SLC4A10: variants seen among roughly 807,000 people sequenced by gnomAD.
SLC4A10 encodes solute carrier family 4 member 10.
In SLC4A10, 42 loss-of-function variants were observed where a neutral mutation model predicts 137.7. The ratio of observed to expected loss-of-function variants is 0.30; its 90% confidence interval spans 0.24 to 0.39. The LOEUF (loss-of-function observed/expected upper bound fraction) is 0.39, where lower values mean the gene tolerates loss of function less well. Among genes scored for constraint, SLC4A10 ranks in the 10% least tolerant of loss-of-function variants. The probability of loss-of-function intolerance (pLI) is 1.00; values close to 1 mark genes in which losing one functional copy is unlikely to be tolerated. For missense variants in SLC4A10, 925 were observed against 1,355.0 expected, an observed-to-expected ratio of 0.68 and a Z score of 4.98; for synonymous variants, 474 against 464.1, an observed-to-expected ratio of 1.02 and a Z score of -0.27.
intron 1 of SLC4A10, among the ~76,000 whole-genome samples, chr2:161,719,574 A>C (rs1474826249): frequency 6.6e-6 from 1 of 152,088 alleles, no homozygotes; most frequent in East Asian, 1.9e-4. Flanking sequence ...TTGTTTCCTG[A>C]CTTTTTAATG....
intron 1 of SLC4A10, among the ~76,000 whole-genome samples, chr2:161,718,654 G>A (rs957821058): frequency 2.0e-5 from 3 of 152,134 alleles, no homozygotes; most frequent in African/African-American, 7.2e-5. Flanking sequence ...TTGTGCCATG[G>A]TCTGAGAGAC....
chr2:161,739,437 T>C (rs1262386901), intron 1 of SLC4A10, among the ~76,000 whole-genome samples: 2 of 152,202 alleles, frequency 1.3e-5, no homozygotes, highest in Non-Finnish European at 2.9e-5. Flanking sequence ...TTGCCTACTA[T>C]GGGACATTAT....
At chr2:161,812,757 C>A (rs980545903) in intron 3 of SLC4A10, among the ~76,000 whole-genome samples, 2 of 151,938 alleles carry the variant, frequency 1.3e-5, no homozygotes, top group African/African-American at 4.8e-5. Context: ...TTTTCTTTAT[C>A]CACCTCACCC....
chr2:161,826,691 C>T (rs1051414906), intron 3 of SLC4A10, among the ~76,000 whole-genome samples: 2 of 152,128 alleles, frequency 1.3e-5, no homozygotes, highest in African/African-American at 4.8e-5. Context: ...TATGATTCTA[C>T]AAGGGCTTTC....
chr2:161,872,217 G>A, intron 6 of SLC4A10, 76 bp from the exon 7 acceptor site: 1 of 1,009,494 alleles, frequency 9.9e-7, no homozygotes, highest in East Asian at 2.4e-5. Flanking sequence ...TAGTTTAATT[G>A]AAGTGCCTAT....
intron 1 of SLC4A10, among the ~76,000 whole-genome samples, chr2:161,755,887 A>C (rs914090554): frequency 4.0e-5 from 6 of 150,978 alleles, no homozygotes; most frequent in Non-Finnish European, 7.4e-5. Context: ...CTCCTGCCTC[A>C]GCCTCTCAAG....
chr2:161,708,790 G>T, intron 1 of SLC4A10: 2 of 1,532,816 alleles, frequency 1.3e-6, no homozygotes, highest in Non-Finnish European at 1.7e-6. Flanking sequence ...AGGTCATGCA[G>T]TCTGGAACCT....
chr2:161,654,749 T>C (rs2037279201), intron 1 of SLC4A10, among the ~76,000 whole-genome samples: 1 of 152,160 alleles, frequency 6.6e-6, no homozygotes, highest in Non-Finnish European at 1.5e-5. Flanking sequence ...TTATCTTTAT[T>C]CCATTACCAT....
intron 1 of SLC4A10, among the ~76,000 whole-genome samples, chr2:161,653,818 C>T (rs1222842807): frequency 6.6e-6 from 1 of 152,188 alleles, no homozygotes; most frequent in African/African-American, 2.4e-5. Flanking sequence ...GATTCCGCAT[C>T]ATGGATACTG....
intron 15 of SLC4A10, among the ~76,000 whole-genome samples, chr2:161,933,487 G>A (rs1417057612): frequency 6.6e-6 from 1 of 151,670 alleles, no homozygotes; most frequent in Non-Finnish European, 1.5e-5. Flanking sequence ...GGAACTCCTG[G>A]GCTCAAGCAA....
chr2:161,793,931 TGAATTAGAA>T (rs1190903870), intron 2 of SLC4A10, among the ~76,000 whole-genome samples: 2 of 152,180 alleles, frequency 1.3e-5, no homozygotes, highest in Non-Finnish European at 2.9e-5. Flanking sequence ...TTGCCATGAT[TGAATTAGAA>T]GATAATATAG....
At chr2:161,977,682 CT>C in intron 25 of SLC4A10, 39 bp from the exon 26 acceptor site, 1 of 1,556,974 alleles carries the variant, frequency 6.4e-7, no homozygotes, top group Non-Finnish European at 8.7e-7. Flanking sequence ...CTTAAATTAA[CT>C]TTTTCTACTT....
intron 2 of SLC4A10, among the ~76,000 whole-genome samples, chr2:161,774,058 C>G (rs889707146): frequency 6.6e-6 from 1 of 151,654 alleles, no homozygotes; most frequent in Non-Finnish European, 1.5e-5. Context: ...CTTAATACTG[C>G]CAGAGTGTTC....
At chr2:161,727,110 G>C (rs933255962) in intron 1 of SLC4A10, among the ~76,000 whole-genome samples, 3 of 152,198 alleles carry the variant, frequency 2.0e-5, no homozygotes, top group Non-Finnish European at 4.4e-5. Context: ...CCCAGGTACA[G>C]TTAAAGGTGG....
chr2:161,781,518 G>T (rs1266045919), intron 2 of SLC4A10, among the ~76,000 whole-genome samples: 1 of 151,978 alleles, frequency 6.6e-6, no homozygotes, highest in African/African-American at 2.4e-5. Context: ...TGAGGAAAAA[G>T]AACTTGTTTG....
At chr2:161,880,195 C>T (rs2061682947) in intron 9 of SLC4A10, among the ~76,000 whole-genome samples, 1 of 152,208 alleles carries the variant, frequency 6.6e-6, no homozygotes, top group African/African-American at 2.4e-5. Flanking sequence ...GGCTGGTGCC[C>T]TTTGTTTGAT....
intron 1 of SLC4A10, among the ~76,000 whole-genome samples, chr2:161,646,377 A>C (rs1368591060): frequency 6.6e-6 from 1 of 152,024 alleles, no homozygotes; most frequent in Non-Finnish European, 1.5e-5. Flanking sequence ...CCTTTAAACC[A>C]AATGTAAAGG....
rs2053597014 is a variant in SLC4A10, at chr2:161,786,125, G to C, written c.130+15071G>C. ...CAGGTATTGGGTATAAATATATTTAGGATAGTTAAATCTTCTTGTAGAATT... is the reference window on the plus strand; with the variant it reads ...CAGGTATTGGGTATAAATATATTTACGATAGTTAAATCTTCTTGTAGAATT... On this transcript the variant is annotated intron_variant, in intron 2 of 26. Coordinates refer to ENST00000446997, the MANE Select transcript of SLC4A10 (RefSeq NM_001178015.2). Among the ~76,000 whole-genome samples, 3 of 151,350 alleles carry C rather than the reference G, an allele frequency of 2.0e-5. 1 individual carries two copies. In the East Asian group the frequency reaches 5.8e-4, roughly 29 times the overall value.
At chr2:161,755,481 A>C (rs2049511751) in intron 1 of SLC4A10, among the ~76,000 whole-genome samples, 2 of 152,094 alleles carry the variant, frequency 1.3e-5, no homozygotes, top group Admixed American at 6.6e-5. Context: ...GGTGATTTTC[A>C]AGGGTTCTCC....
Sources: allele counts gnomAD v4.1 joint callset (sites outside exome capture counted in the v4.1 genomes callset), GRCh38; gene constraint gnomAD v4.1.1; transcripts MANE v1.5; gene names NCBI Gene and HGNC (gene_info 2026-07-23, HGNC 2026-07-21).